The following ERI2 variants were observed in gnomAD, a reference collection of about 807,000 sequenced individuals.
The protein encoded by ERI2 is ERI1 exoribonuclease 2.
ERI2 carries 35 observed loss-of-function variants against 46.8 expected under a neutral mutation model. The observed-to-expected ratio is 0.75, with a 90% CI of 0.57 to 0.99. ERI2 has a LOEUF of 0.99. ERI2 is among the 50% of genes least tolerant of loss of function. ERI2 has a pLI of 0.00. For synonymous variants in ERI2, 224 were observed against 271.0 expected (o/e 0.83, Z 1.70); for missense variants, 695 against 796.2 (o/e 0.87, Z 1.53).
At chr16:20,783,803 C>T (rs1299663078) in intron 10 of ERI2, among the ~76,000 whole-genome samples, 1 of 109,762 alleles carries the variant, frequency 9.1e-6, no homozygotes. Flanking sequence ...ATGTGTTCTC[C>T]CCGTCTCAAT....
chr16:20,785,625 C>A (rs2080454749), intron 10 of ERI2, among the ~76,000 whole-genome samples: 1 of 151,848 alleles, frequency 6.6e-6, no homozygotes, highest in Non-Finnish European at 1.5e-5. Context: ...GAAAAAAGAA[C>A]AACAGTGGTT....
chr16:20,784,870 A>T (rs1316152939), intron 10 of ERI2: 2 of 1,140,550 alleles, frequency 1.8e-6, no homozygotes, highest in Non-Finnish European at 2.4e-6. Context: ...TGCTAGGGAG[A>T]GGAATTAAAA....
downstream of ERI2, chr16:20,791,927 GAAAA>G (rs79083383): frequency 3.9e-6 from 5 of 1,290,080 alleles, no homozygotes; most frequent in South Asian, 1.4e-5. Flanking sequence ...GACTGTCTCG[GAAAA>G]AAAAAAAAAA....
chr16:20,794,451 A>G (rs1301059807), downstream of ERI2, among the ~76,000 whole-genome samples: 1 of 152,194 alleles, frequency 6.6e-6, no homozygotes, highest in Non-Finnish European at 1.5e-5. Flanking sequence ...ATCACTTGAA[A>G]TGTGGCTAGT....
intron 10 of ERI2, chr16:20,786,000 T>C: frequency 1.0e-6 from 1 of 964,232 alleles, no homozygotes; most frequent in Non-Finnish European, 1.5e-6. Flanking sequence ...ATAAATAATT[T>C]GTTGAATGAA....
downstream of ERI2, chr16:20,791,936 A>C: frequency 2.5e-6 from 4 of 1,583,772 alleles, no homozygotes; most frequent in Admixed American, 5.5e-5. Context: ...GGAAAAAAAA[A>C]AAAAAATTCC....
downstream of ERI2, among the ~76,000 whole-genome samples, chr16:20,795,398 A>G (rs1188708738): frequency 2.6e-5 from 4 of 152,242 alleles, no homozygotes; most frequent in African/African-American, 9.6e-5. Flanking sequence ...AGTTTTCAAT[A>G]TGTGAAAAAA....
rs1854588314 is a variant in ERI2, at chr16:20,790,481, C to T, written c.815+369G>A. 1 of 1,169,346 alleles carries T rather than the reference C, an allele frequency of 8.6e-7. No individual in the cohort carries two copies. The highest frequency in any genetic ancestry group is 1.6e-5 in the African/African-American group (1 of 63,830). The allele number at this position is 1,169,346 out of a possible 1,614,324, so 72.4% of individuals were successfully genotyped here. ...CACACACACAAAATTTTTTTTAAGT[C>T]TTCATTTTTAAATGGCAAAAGCCAA... On this transcript the variant is annotated intron_variant, in intron 9 of 10. Transcript: ENST00000300005. This position sits in a 1 kb window ranked among gnomAD's most constrained non-coding sequence, Gnocchi z 4.0.
chr16:20,784,705 C>T (rs1170001589), intron 10 of ERI2: 3 of 174,372 alleles, frequency 1.7e-5, no homozygotes, highest in Non-Finnish European at 3.6e-5. Flanking sequence ...ATTATACCTC[C>T]ACCACAAAAA....
In ERI2 at chr16:20,806,191, G is replaced by A. The variant is rs1174735969; in HGVS notation, c.23+217C>T. On this transcript the variant is annotated intron_variant, in intron 1 of 8. Transcript: ENST00000357967. ...AGGCCCCAGGGTTCGTCCGCCTCGGGCTCCTGTCACCCTCGGGTAGAAGGT... is the reference window on the plus strand; with the variant it reads ...AGGCCCCAGGGTTCGTCCGCCTCGGACTCCTGTCACCCTCGGGTAGAAGGT... 3.6e-6 allele frequency: 5 copies of A among 1,394,638 alleles called. No individual in the cohort carries two copies. In the South Asian group the frequency reaches 8.0e-5, roughly 22 times the overall value. The allele number at this position is 1,394,638 out of a possible 1,614,324, so 86.4% of individuals were successfully genotyped here.
Position 20,796,832 on chromosome 16 carries a change from T to A in ERI2, c.*892A>T. 6.2e-7 allele frequency: 1 copy of A among 1,604,904 alleles called. No individual in the cohort carries two copies. Among genetic ancestry groups the A allele is most frequent in the Non-Finnish European group, 8.5e-7 (1 of 1,177,568 alleles). ...ATAATCAAACTGCTATATAATTGGC[T>A]TTATGTAAAGATAAAAATTTCCAGG... On this transcript the variant is annotated 3_prime_UTR_variant, in exon 9 of 9. Transcript: ENST00000357967.
rs2080779419 is a variant in ERI2, at chr16:20,800,008, T to C, written c.592A>G (p.Ser198Gly). The C allele has an allele frequency of 6.2e-7, 1 of 1,604,556 alleles. No homozygotes were observed. Among genetic ancestry groups the C allele is most frequent in the East Asian group, 2.2e-5 (1 of 44,680 alleles). ...LFYRRKPKGL[S>G]GALQEVGIEF... ...ATTCCTACTTCCTGCAAGGCACCAC[T>C]TAGTCCTTTTGGTTTTCTCCTATAG... is the stretch of plus-strand genomic sequence containing the variant. The change falls in exon 7 of 9, where the codon AGT (serine) becomes GGT (glycine). Residue 198 changes from serine to glycine, a missense_variant. By Grantham distance (56) the Ser-to-Gly change is moderately conservative. Coordinates refer to ENST00000357967, the MANE Select transcript of ERI2 (RefSeq NM_001142725.2).
intron 6 of ERI2, 37 bp downstream of exon 6, chr16:20,800,265 A>G (rs1439866248): frequency 1.4e-6 from 2 of 1,396,934 alleles, no homozygotes; most frequent in Non-Finnish European, 2.0e-6. Flanking sequence ...ATTTTTCCAT[A>G]GAAAAAAGTA....
chr16:20,790,836 A>C lies in ERI2; in HGVS notation c.815+14T>G. ...CTGAATAGTAATCCAAAAGACAAGA[A>C]ATTGAAGAAATACCCAAATTCTTGC... On this transcript the variant is annotated intron_variant, in intron 9 of 10. Coordinates refer to the ERI2 transcript ENST00000300005. This position sits in a 1 kb window ranked among gnomAD's most constrained non-coding sequence, Gnocchi z 4.0. 1 of 1,614,036 alleles carries C rather than the reference A, an allele frequency of 6.2e-7. No individual in the cohort carries two copies. The highest frequency in any genetic ancestry group is 8.5e-7 in the Non-Finnish European group (1 of 1,179,962).
chr16:20,785,259 G>A, intron 10 of ERI2: 1 of 1,040,336 alleles, frequency 9.6e-7, no homozygotes, highest in Non-Finnish European at 1.4e-6. Flanking sequence ...GAACCTAATT[G>A]CAAAAAAGCT....
At chr16:20,788,251 T>A (rs973437958) in intron 10 of ERI2, among the ~76,000 whole-genome samples, 1 of 152,240 alleles carries the variant, frequency 6.6e-6, no homozygotes, top group Non-Finnish European at 1.5e-5. Context: ...AGCACACTCA[T>A]GTCTGCATTA....
chr16:20,795,174 T>C (rs773114985), downstream of ERI2, among the ~76,000 whole-genome samples: 24 of 152,268 alleles, frequency 1.6e-4, 1 homozygote, highest in Middle Eastern at 6.8e-3. Flanking sequence ...AAATTAAAAA[T>C]GTTCAAGTGT....
chr16:20,786,651 C>G lies in ERI2; in HGVS notation c.894+2828G>C, dbSNP rs572271692. Among the ~76,000 whole-genome samples, 209 of 152,318 alleles carry G rather than the reference C, an allele frequency of 1.4e-3. 1 individual carries two copies. The highest frequency in any genetic ancestry group is 4.7e-3 in the African/African-American group (197 of 41,572). On this transcript the variant is annotated intron_variant, in intron 10 of 10. Coordinates refer to the ERI2 transcript ENST00000300005. Reference sequence around the variant, plus strand: ...TGAGCCATGATCACACCACTGCACTCTAACCTGGGCCACAGAGCAAGACCC... The same window carrying G: ...TGAGCCATGATCACACCACTGCACTGTAACCTGGGCCACAGAGCAAGACCC...
intron 10 of ERI2, chr16:20,781,715 C>T: frequency 6.2e-7 from 1 of 1,612,348 alleles, no homozygotes; most frequent in Non-Finnish European, 8.5e-7. Context: ...CAGACACTCT[C>T]CAAGTACCCC....
Sources: gnomAD v4.1 joint callset for allele counts (sites outside exome capture counted in the v4.1 genomes callset) on GRCh38, gnomAD v4.1.1 for gene constraint, Gnocchi (gnomAD v3.1) non-coding constraint, MANE v1.5 for transcripts, NCBI Gene and HGNC (gene_info 2026-07-23, HGNC 2026-07-21) for gene names.